THSD7B: variants seen among roughly 807,000 people sequenced by gnomAD.
THSD7B encodes thrombospondin type-1 domain-containing protein 7B.
THSD7B carries 138 observed loss-of-function variants against 213.6 expected under a neutral mutation model. The observed-to-expected ratio is 0.65, with a 90% CI of 0.56 to 0.74. THSD7B has a LOEUF of 0.74. THSD7B is among the 30% of genes least tolerant of loss of function. The probability of loss-of-function intolerance (pLI) is 0.00; values close to 1 mark genes in which losing one functional copy is unlikely to be tolerated. For synonymous variants in THSD7B, 742 were observed against 687.0 expected (o/e 1.08, Z -1.25); for missense variants, 1,931 against 1,991.5 (o/e 0.97, Z 0.58).
At chr2:137,591,351 A>T (rs537676165) in intron 17 of THSD7B, among the ~76,000 whole-genome samples, 1 of 151,770 alleles carries the variant, frequency 6.6e-6, no homozygotes, top group Non-Finnish European at 1.5e-5. Flanking sequence ...TAAGGTTTTG[A>T]CTCTGACCTT....
intron 1 of THSD7B, among the ~76,000 whole-genome samples, chr2:136,771,604 CA>C (rs1430834363): frequency 6.6e-6 from 1 of 152,134 alleles, no homozygotes; most frequent in Non-Finnish European, 1.5e-5. Flanking sequence ...ATCTATTAGT[CA>C]AAATCCAGTT....
intron 1 of THSD7B, among the ~76,000 whole-genome samples, chr2:136,774,511 A>T (rs1681566359): frequency 1.3e-5 from 2 of 152,138 alleles, no homozygotes; most frequent in African/African-American, 4.8e-5. Context: ...TGTGCAACAT[A>T]TAAAAAAAGT....
At chr2:136,890,504 T>TTC (rs368073193) in intron 2 of THSD7B, among the ~76,000 whole-genome samples, 3 of 1,330 alleles carry the variant, frequency 2.3e-3, no homozygotes, top group African/African-American at 2.9e-3. Context: ...TTTCTTCTCC[T>TTC]TTCTTCTTCT....
chr2:137,136,459 G>T (rs576226997), intron 5 of THSD7B, among the ~76,000 whole-genome samples: 20 of 152,280 alleles, frequency 1.3e-4, no homozygotes, highest in African/African-American at 4.8e-4. Flanking sequence ...CTTATGCAAA[G>T]GAAGGATTCA....
intron 2 of THSD7B, among the ~76,000 whole-genome samples, chr2:136,882,704 AG>A (rs1256377212): frequency 1.3e-5 from 2 of 152,196 alleles, no homozygotes; most frequent in Non-Finnish European, 2.9e-5. Context: ...TAAACTAGTT[AG>A]CTATTTATTA....
At chr2:137,344,131 G>A (rs1684823067) in intron 12 of THSD7B, among the ~76,000 whole-genome samples, 1 of 151,608 alleles carries the variant, frequency 6.6e-6, no homozygotes, top group Non-Finnish European at 1.5e-5. Context: ...TAGGTTGCAG[G>A]CTTCTTATGA....
intron 1 of THSD7B, among the ~76,000 whole-genome samples, chr2:136,842,048 A>G (rs1413367200): frequency 6.6e-6 from 1 of 152,194 alleles, no homozygotes; most frequent in African/African-American, 2.4e-5. Flanking sequence ...ATGATAGCAA[A>G]CTTTGTCTCC....
chr2:137,620,534 C>G, intron 19 of THSD7B, 75 bp from the exon 20 acceptor site: 1 of 1,154,908 alleles, frequency 8.7e-7, no homozygotes, highest in South Asian at 1.3e-5. Flanking sequence ...AAAGGAAAGT[C>G]TTTCCCATGA....
intron 2 of THSD7B, among the ~76,000 whole-genome samples, chr2:137,015,297 A>T (rs1286669352): frequency 6.6e-6 from 1 of 151,896 alleles, no homozygotes; most frequent in Admixed American, 6.5e-5. Context: ...ATTATTTTTG[A>T]CTCTGAATTA....
intron 2 of THSD7B, among the ~76,000 whole-genome samples, chr2:136,987,448 G>A (rs1005126054): frequency 6.6e-6 from 1 of 152,164 alleles, no homozygotes; most frequent in Admixed American, 6.5e-5. Context: ...AAACCACATA[G>A]AGAAGTCAGG....
chr2:137,188,108 T>C (rs1680585146), intron 7 of THSD7B, among the ~76,000 whole-genome samples: 1 of 152,204 alleles, frequency 6.6e-6, no homozygotes, highest in Admixed American at 6.5e-5. Flanking sequence ...AAATGAATGC[T>C]GGATTTACCC....
rs117646582 is a variant in THSD7B, at chr2:137,385,718, G to A, written c.2501-19895G>A. On this transcript the variant is annotated intron_variant, in intron 12 of 27. Coordinates refer to ENST00000409968, the MANE Select transcript of THSD7B (RefSeq NM_001316349.2). ...AAAGTCTCTTCTGGAACAGAATCAAGCTGGGAGTGAGAAGAGAAGGAGTAA... is the reference window on the plus strand; with the variant it reads ...AAAGTCTCTTCTGGAACAGAATCAAACTGGGAGTGAGAAGAGAAGGAGTAA... Among the ~76,000 whole-genome samples, 633 of 152,266 alleles carry A rather than the reference G, an allele frequency of 4.2e-3. 9 individuals are homozygous for A. Among genetic ancestry groups the A allele is most frequent in the Admixed American group, 0.027 (408 of 15,290 alleles).
chr2:137,086,640 AT>A (rs1318608072), intron 3 of THSD7B, among the ~76,000 whole-genome samples: 2 of 152,184 alleles, frequency 1.3e-5, no homozygotes, highest in African/African-American at 4.8e-5. Flanking sequence ...AGGTGTGGAC[AT>A]TTTTGGAGGG....
chr2:136,971,405 A>T (rs961915216), intron 2 of THSD7B, among the ~76,000 whole-genome samples: 1 of 151,702 alleles, frequency 6.6e-6, no homozygotes, highest in Admixed American at 6.6e-5. Context: ...GTCACTCATG[A>T]TATGTTGTAC....
intron 25 of THSD7B, among the ~76,000 whole-genome samples, chr2:137,662,068 T>C (rs1683355863): frequency 2.0e-5 from 3 of 147,940 alleles, no homozygotes; most frequent in East Asian, 2.0e-4. Context: ...TTTTCTTTTT[T>C]TTTTTTTTTT....
intron 9 of THSD7B, among the ~76,000 whole-genome samples, chr2:137,233,751 T>C (rs1458535766): frequency 6.6e-6 from 1 of 152,102 alleles, no homozygotes; most frequent in East Asian, 1.9e-4. Context: ...GGAAAAAAAG[T>C]AATTGACTAA....
chr2:137,446,336 A>C (rs1687538588), intron 14 of THSD7B, among the ~76,000 whole-genome samples: 1 of 152,076 alleles, frequency 6.6e-6, no homozygotes, highest in African/African-American at 2.4e-5. Context: ...AACTGTGCTT[A>C]CACATACATC....
chr2:137,111,879 C>T (rs139643653), intron 4 of THSD7B, among the ~76,000 whole-genome samples: 129 of 152,220 alleles, frequency 8.5e-4, no homozygotes, highest in African/African-American at 2.7e-3. Context: ...GGAGGTAGGA[C>T]GCCGGCCTTT....
At chr2:137,359,029 G>A (rs191285305) in intron 12 of THSD7B, among the ~76,000 whole-genome samples, 72 of 152,238 alleles carry the variant, frequency 4.7e-4, no homozygotes, top group African/African-American at 1.6e-3. Context: ...CCACAGATAC[G>A]CTTTATCTGT....
Sources: gnomAD v4.1 joint callset for allele counts (sites outside exome capture counted in the v4.1 genomes callset) on GRCh38, gnomAD v4.1.1 for gene constraint, MANE v1.5 for transcripts, NCBI Gene and HGNC (gene_info 2026-07-23, HGNC 2026-07-21) for gene names.